IHO1: variants seen among roughly 807,000 people sequenced by gnomAD.
IHO1 encodes the protein interactor of HORMAD1 protein 1.
Under a neutral mutation model 31.0 loss-of-function variants are expected in IHO1, and 13 were observed. The observed-to-expected ratio is 0.42, with a 90% confidence interval of 0.27 to 0.67. IHO1 has a LOEUF of 0.67. IHO1 is among the 30% of genes least tolerant of loss of function. The pLI is 0.24. For synonymous variants in IHO1, 221 were observed against 248.4 expected (o/e 0.89, Z 1.04); for missense variants, 599 against 687.5 (o/e 0.87, Z 1.44).
chr3:49,197,338 C>T (rs896370509), upstream of IHO1, among the ~76,000 whole-genome samples: 1 of 151,262 alleles, frequency 6.6e-6, no homozygotes, highest in Admixed American at 6.6e-5. Context: ...CTCTGTTGCT[C>T]AGGCTTCAGT....
In IHO1 at chr3:49,241,262, C is replaced by T. The variant is rs1452386037; in HGVS notation, c.268C>T (p.Pro90Ser). ...CATTTTCACAAAGTACCAGACAAAG[C>T]CCCAGCTGTTCGGAGGAGATATAAA... is the stretch of plus-strand genomic sequence containing the variant. ...PSIFTKYQTK[P>S]QLFGGDIKDG... Residue 90 changes from proline (P) to serine (S), a missense_variant, in exon 4 of 8, where the codon CCC becomes TCC. Pro to Ser is a moderately conservative substitution (Grantham distance 74). Transcript: ENST00000452691. The T allele has an allele frequency of 6.2e-7, 1 of 1,612,618 alleles. No homozygotes were observed. Among genetic ancestry groups the T allele is most frequent in the Admixed American group, 1.7e-5 (1 of 59,714 alleles).
chr3:49,194,023 A>G (rs1028278059), upstream of IHO1, among the ~76,000 whole-genome samples: 1 of 150,444 alleles, frequency 6.6e-6, no homozygotes, highest in African/African-American at 2.4e-5. Context: ...TAGCCCCAGC[A>G]CTTTGGGAGG....
chr3:49,191,788 C>A, the IHO1 span: 2 of 1,548,884 alleles, frequency 1.3e-6, no homozygotes, highest in Non-Finnish European at 8.7e-7. Context: ...AAGAAGGGAG[C>A]AGAAAAGGCA....
intron 2 of IHO1, among the ~76,000 whole-genome samples, chr3:49,227,729 A>C (rs2046433357): frequency 6.6e-6 from 1 of 152,164 alleles, no homozygotes; most frequent in Admixed American, 6.5e-5. Context: ...TTATGCCCCC[A>C]AAATGAAATG....
chr3:49,208,072 A>G (rs1160897864), intron 1 of IHO1, among the ~76,000 whole-genome samples: 1 of 152,212 alleles, frequency 6.6e-6, no homozygotes, highest in Non-Finnish European at 1.5e-5. Flanking sequence ...GTGCCCGGCC[A>G]AATTTCTACA....
rs145950277 is a variant in IHO1 at position 49,219,931 on chromosome 3, G to A, written c.56+8095G>A. 6.7e-4 allele frequency among the ~76,000 whole-genome samples: 102 copies of A among 152,310 alleles called. No individual in the cohort carries two copies. The Middle Eastern group carries it at 0.017, about 25-fold the overall frequency. ...TTGCTTGCCAGCTAAAGCTAAAGTG[G>A]CAAAGGAGGAAGAGTTTCATCCCTA... On this transcript the variant is annotated intron_variant, in intron 2 of 7. Transcript: ENST00000452691.
At chr3:49,199,162 G>A (rs1354083998), upstream of IHO1, 1 of 152,582 alleles carries the variant, frequency 6.6e-6, no homozygotes, top group Non-Finnish European at 1.5e-5. Context: ...GCGTGAGTGT[G>A]GGGGTGTGAG....
chr3:49,207,241 C>G (rs1294167624), intron 1 of IHO1, among the ~76,000 whole-genome samples: 1 of 148,750 alleles, frequency 6.7e-6, no homozygotes, highest in East Asian at 2.0e-4. Context: ...TTTTTTCTTT[C>G]TGGTGAGGTT....
intron 4 of IHO1, among the ~76,000 whole-genome samples, chr3:49,243,281 C>T: frequency 6.6e-6 from 1 of 151,912 alleles, no homozygotes; most frequent in East Asian, 2.0e-4. Flanking sequence ...TAGCTGGGAC[C>T]ACAGGCGCGT....
At chr3:49,247,031 T>C (rs2046703593) in intron 6 of IHO1, among the ~76,000 whole-genome samples, 1 of 151,874 alleles carries the variant, frequency 6.6e-6, no homozygotes, top group South Asian at 2.1e-4. Flanking sequence ...GTATTTTTAG[T>C]AGAGACGGGG....
Position 49,226,837 on chromosome 3 carries a change from C to T in IHO1, c.57-9711C>T, listed in dbSNP as rs35202395. On this transcript the variant is annotated intron_variant, in intron 2 of 7. Coordinates refer to ENST00000452691, the MANE Select transcript of IHO1 (RefSeq NM_001135197.2). ...TCATCTGAAATCTTCCCCAGATCTA[C>T]CTTGATCTGCTTTAAATCAGAGAGG... Among the ~76,000 whole-genome samples the T allele has an allele frequency of 7.2e-3, 1,092 of 152,314 alleles. 7 individuals carry two copies. The highest frequency in any genetic ancestry group is 1.0e-2 in the Non-Finnish European group (679 of 68,026).
chr3:49,194,424 C>T (rs1197766365), upstream of IHO1, among the ~76,000 whole-genome samples: 4 of 145,776 alleles, frequency 2.7e-5, no homozygotes, highest in African/African-American at 9.9e-5. Context: ...CTGCCTCAGC[C>T]TCCTGAGTAG....
intron 1 of IHO1, chr3:49,200,489 AAGAAAG>A: frequency 1.5e-6 from 1 of 668,920 alleles, no homozygotes; most frequent in Non-Finnish European, 1.8e-6. Flanking sequence ...GAAAGAAAGA[AAGAAAG>A]AAAGAAAGAA....
At chr3:49,191,657 A>G in the IHO1 span, 1 of 1,461,244 alleles carries the variant, frequency 6.8e-7, no homozygotes, top group Non-Finnish European at 9.5e-7. Flanking sequence ...CCAAATGAAA[A>G]CCTTTTCACT....
At chr3:49,226,434 G>A (rs576458152) in intron 2 of IHO1, among the ~76,000 whole-genome samples, 1 of 152,302 alleles carries the variant, frequency 6.6e-6, no homozygotes, top group South Asian at 2.1e-4. Flanking sequence ...GAAGGCAGAA[G>A]GATTTTCTTC....
intron 2 of IHO1, among the ~76,000 whole-genome samples, chr3:49,217,642 T>TA (rs3083866): frequency 4.8e-4 from 70 of 147,350 alleles, no homozygotes; most frequent in Middle Eastern, 3.5e-3. Flanking sequence ...TAAAGTATAA[T>TA]AAAAAAAAAA....
chr3:49,229,938 A>G (rs1378521724), intron 2 of IHO1, among the ~76,000 whole-genome samples: 1 of 152,196 alleles, frequency 6.6e-6, no homozygotes, highest in African/African-American at 2.4e-5. Context: ...TCAACATATG[A>G]TGCATGAAAT....
At chr3:49,196,399 A>G (rs2045996339), upstream of IHO1, among the ~76,000 whole-genome samples, 2 of 147,834 alleles carry the variant, frequency 1.4e-5, no homozygotes, top group Non-Finnish European at 3.0e-5. Context: ...GCTCACTGCA[A>G]CCTCCACCTC....
intron 6 of IHO1, chr3:49,245,867 CAG>C (rs1213316508): frequency 6.6e-6 from 1 of 152,190 alleles, no homozygotes; most frequent in Non-Finnish European, 1.5e-5. Context: ...ATCCCACACA[CAG>C]GGCATATGCA....
Sources: gnomAD v4.1 joint callset for allele counts (sites outside exome capture counted in the v4.1 genomes callset) on GRCh38, gnomAD v4.1.1 for gene constraint, MANE v1.5 for transcripts, NCBI Gene and HGNC (gene_info 2026-07-23, HGNC 2026-07-21) for gene names.